Variants in PITHD1 observed in about 807,000 individuals in gnomAD.
The protein encoded by PITHD1 is PITH domain-containing protein 1.
In PITHD1, 8 loss-of-function variants were observed where a neutral mutation model predicts 27.5. That is an observed-to-expected ratio of 0.29 (90% CI 0.17 to 0.52). The LOEUF is 0.52. PITHD1 is among the 20% of genes least tolerant of loss of function. PITHD1 has a pLI of 0.96. For missense variants in PITHD1, 233 were observed against 283.9 expected, an observed-to-expected ratio of 0.82 and a Z score of 1.29; for synonymous variants, 118 against 106.8, an observed-to-expected ratio of 1.10 and a Z score of -0.64.
Position 23,787,917 on chromosome 1 carries a change from ATGTGTCC to A in PITHD1, c.*546_*552del, listed in dbSNP as rs1455007559. The A allele has an allele frequency of 6.6e-6, 1 of 152,570 alleles. No individual in the cohort carries two copies. The highest frequency in any genetic ancestry group is 6.5e-5 in the Admixed American group (1 of 15,304). 9.5% of individuals were successfully genotyped at this position (152,570 alleles called of 1,614,324 possible). ...CAGCTTGGAGTTGTCTGTCACGCAC[ATGTGTCC>A]TGTGGTTATAGCTAGAAGGACAGGA... On this transcript the variant is annotated 3_prime_UTR_variant, in exon 6 of 6. Transcript: ENST00000246151.
intron 5 of PITHD1, 59 bp downstream of exon 5, chr1:23,786,482 T>TATGTA: frequency 1.5e-6 from 1 of 669,680 alleles, no homozygotes; most frequent in Non-Finnish European, 2.5e-6. Context: ...ACTGTGGTGA[T>TATGTA]GGGAGCTTCC....
At chr1:23,778,762 C>T in intron 1 of PITHD1, 49 bp downstream of exon 1, 1 of 1,085,668 alleles carries the variant, frequency 9.2e-7, no homozygotes, top group South Asian at 3.7e-5. Context: ...CGTGTGGGGC[C>T]TCGGGCCGTC....
intron 1 of PITHD1, 37 bp from the exon 2 acceptor site, chr1:23,779,401 T>G: frequency 6.4e-7 from 1 of 1,555,510 alleles, no homozygotes; most frequent in Non-Finnish European, 8.9e-7. Flanking sequence ...CAGCAAATAT[T>G]TGTTGCTTTC....
intron 5 of PITHD1, among the ~76,000 whole-genome samples, chr1:23,786,743 C>T (rs1331609074): frequency 6.6e-6 from 1 of 151,636 alleles, no homozygotes; most frequent in African/African-American, 2.4e-5. Context: ...GTGCCCACTC[C>T]CACGCCTGGC....
At position 23,780,012 on chromosome 1, in the gene PITHD1, A is replaced by G. The variant is rs974655264; in HGVS notation, c.320+71A>G. On this transcript the variant is annotated intron_variant, in intron 3 of 5. Coordinates refer to ENST00000246151, the MANE Select transcript of PITHD1 (RefSeq NM_020362.5). ...TTTTCTGGTAACATTTTATTCCAGAATAGTATCATTTTCTTCTTACCGGGT... is the reference window on the plus strand; with the variant it reads ...TTTTCTGGTAACATTTTATTCCAGAGTAGTATCATTTTCTTCTTACCGGGT... The G allele has an allele frequency of 2.0e-4, 181 of 914,438 alleles. No homozygotes were observed. In the Middle Eastern group the frequency reaches 6.0e-3, roughly 30 times the overall value. The allele number at this position is 914,438 out of a possible 1,614,324, so 56.6% of individuals were successfully genotyped here. A position where few individuals can be genotyped will look rare whatever the true frequency, so the allele number is the denominator to read the frequency against.
rs753556596 is a variant in PITHD1 at position 23,787,356 on chromosome 1, C to G, written c.616C>G (p.Gln206Glu). The change falls in exon 6 of 6, where the codon CAG (glutamine) becomes GAG (glutamate). Residue 206 changes from glutamine to glutamate, a missense_variant. Physicochemically the swap from Gln to Glu is conservative, Grantham distance 29. Coordinates refer to ENST00000246151, the MANE Select transcript of PITHD1 (RefSeq NM_020362.5). ...CCATAGGGTCCATCAGGTTACCCCA[C>G]AGACACACTTTATTTCCTAAGGGCT... ...ADHRVHQVTP[Q>E]THFIS The G allele has an allele frequency of 6.2e-7, 1 of 1,604,930 alleles. No homozygotes were observed. The highest frequency in any genetic ancestry group is 1.3e-5 in the African/African-American group (1 of 74,860).
chr1:23,782,957 T>C (rs1638623980), intron 3 of PITHD1, among the ~76,000 whole-genome samples: 1 of 152,066 alleles, frequency 6.6e-6, no homozygotes, highest in Non-Finnish European at 1.5e-5. Context: ...GTTGATATTG[T>C]CAATTATTGT....
chr1:23,778,529 A>C lies in PITHD1; in HGVS notation c.14A>C (p.His5Pro). The change falls in exon 1 of 6, where the codon CAC (histidine) becomes CCC (proline). Residue 5 changes from histidine (H) to proline (P), a missense_variant. Physicochemically the swap from His to Pro is moderately conservative, Grantham distance 77. Transcript: ENST00000246151. MSHG[H>P]SHGGGGCRCA... ...GGCGGCGTTGCCATGTCGCACGGTC[A>C]CAGCCACGGCGGGGGTGGCTGCCGC... 7.4e-7 allele frequency: 1 copy of C among 1,348,360 alleles called. No individual in the cohort carries two copies. Among genetic ancestry groups the C allele is most frequent in the Middle Eastern group, 2.8e-4 (1 of 3,630 alleles). The allele number at this position is 1,348,360 out of a possible 1,614,324, so 83.5% of individuals were successfully genotyped here.
At chr1:23,780,118 CTT>C (rs1035890441) in intron 3 of PITHD1, among the ~76,000 whole-genome samples, 177 bp downstream of exon 3, 1 of 152,138 alleles carries the variant, frequency 6.6e-6, no homozygotes, top group African/African-American at 2.4e-5. Context: ...GAATTAATGA[CTT>C]TTTTAGATTA....
At chr1:23,784,491 C>T (rs1370616648) in intron 3 of PITHD1, among the ~76,000 whole-genome samples, 2 of 152,022 alleles carry the variant, frequency 1.3e-5, no homozygotes, top group African/African-American at 2.4e-5. Context: ...CTGCCCGCCT[C>T]GGCCTCCCAA....
At chr1:23,785,801 C>T in intron 4 of PITHD1, 22 bp downstream of exon 4, 1 of 1,315,360 alleles carries the variant, frequency 7.6e-7, no homozygotes, top group Non-Finnish European at 1.1e-6. Context: ...GCCTGTCTTC[C>T]ATTCTCTATG....
At chr1:23,786,057 C>G (rs1638676939) in intron 4 of PITHD1, among the ~76,000 whole-genome samples, 1 of 152,210 alleles carries the variant, frequency 6.6e-6, no homozygotes, top group South Asian at 2.1e-4. Context: ...AGAATCCCTG[C>G]TGGGTTATGC....
chr1:23,783,320 TATATATACACATATATGTGTATATATAC>T (rs1397801667), intron 3 of PITHD1, among the ~76,000 whole-genome samples: 1 of 149,868 alleles, frequency 6.7e-6, no homozygotes, highest in Non-Finnish European at 1.5e-5. Context: ...TATACGCATA[TATATATACACATATATGTGTATATATAC>T]ATATATACGC....
At chr1:23,783,299 A>T (rs1638630068) in intron 3 of PITHD1, among the ~76,000 whole-genome samples, 1 of 150,420 alleles carries the variant, frequency 6.6e-6, no homozygotes, top group Admixed American at 6.7e-5. Context: ...ATATATATGT[A>T]TATCTACATA....
rs35540755 is a variant in PITHD1 at position 23,783,430 on chromosome 1, CGT to C, written c.321-2222_321-2221del. Among the ~76,000 whole-genome samples the C allele has an allele frequency of 3.6e-3, 479 of 134,392 alleles. 6 individuals are homozygous for C. Among genetic ancestry groups the C allele is most frequent in the South Asian group, 0.014 (57 of 4,200 alleles). The allele number at this position is 134,392 out of a possible 152,430, so 88.2% of individuals were successfully genotyped here. Reference sequence around the variant, plus strand: ...ATACACATATATATGCGTATATATACGTGTGTGTGTGTGTGTGTGTGTGTATT... The same window carrying C: ...ATACACATATATATGCGTATATATACGTGTGTGTGTGTGTGTGTGTGTATT... On this transcript the variant is annotated intron_variant, in intron 3 of 5. Coordinates refer to ENST00000246151, the MANE Select transcript of PITHD1 (RefSeq NM_020362.5).
At chr1:23,785,602 T>A (rs1638670905) in intron 3 of PITHD1, 73 bp from the exon 4 acceptor site, 6 of 827,868 alleles carry the variant, frequency 7.2e-6, no homozygotes, top group African/African-American at 1.7e-5. Context: ...ATTTAAGCAG[T>A]CAGTAGAAAA....
At chr1:23,780,967 C>T (rs776753709) in intron 3 of PITHD1, among the ~76,000 whole-genome samples, 6 of 151,928 alleles carry the variant, frequency 3.9e-5, no homozygotes, top group East Asian at 3.9e-4. Flanking sequence ...TTTGGGATGC[C>T]GAGACTGGTT....
At chr1:23,787,107 G>C (rs568380309) in intron 5 of PITHD1, among the ~76,000 whole-genome samples, 168 bp from the exon 6 acceptor site, 2 of 152,232 alleles carry the variant, frequency 1.3e-5, no homozygotes, top group Admixed American at 1.3e-4. Context: ...GAGTTAAAAA[G>C]TATCAAAATT....
At chr1:23,784,656 G>C (rs866832651) in intron 3 of PITHD1, among the ~76,000 whole-genome samples, 2 of 152,160 alleles carry the variant, frequency 1.3e-5, no homozygotes, top group African/African-American at 2.4e-5. Flanking sequence ...TTGGGAATTT[G>C]TGGGTTATAG....
Sources: gnomAD v4.1 joint callset for allele counts (sites outside exome capture counted in the v4.1 genomes callset) on GRCh38, gnomAD v4.1.1 for gene constraint, MANE v1.5 for transcripts, NCBI Gene and HGNC (gene_info 2026-07-23, HGNC 2026-07-21) for gene names.